The following UBP1 variants were observed in gnomAD, a reference collection of about 807,000 sequenced individuals.
UBP1 encodes upstream-binding protein 1.
A neutral mutation model predicts 76.1 loss-of-function variants in UBP1; 22 were observed. The ratio of observed to expected loss-of-function variants is 0.29; its 90% CI spans 0.21 to 0.41. UBP1 has a LOEUF of 0.41. Among genes scored for constraint, UBP1 ranks in the 10% least tolerant of loss-of-function variants. The probability of loss-of-function intolerance (pLI) is 1.00; values close to 1 mark genes in which losing one functional copy is unlikely to be tolerated. For missense variants in UBP1, 436 were observed against 668.1 expected (o/e 0.65, Z 3.83); for synonymous variants, 224 against 237.1 (o/e 0.94, Z 0.51).
rs2043678983 is a variant in UBP1 at position 33,389,642 on chromosome 3, CA to C, written c.*688del. The C allele has an allele frequency of 1.3e-5, 2 of 152,226 alleles. No homozygotes were observed. The allele number at this position is 152,226 out of a possible 1,614,324, so 9.4% of individuals were successfully genotyped here. A position where few individuals can be genotyped will look rare whatever the true frequency, so the allele number is the denominator to read the frequency against. The stretch of plus-strand genomic sequence containing the variant: ...TTTTTCAATAAATCTGTGACAAAGC[CA>C]AAACACAAAAGTCTTTGTACCTATT... On this transcript the variant is annotated 3_prime_UTR_variant, in exon 16 of 16. Transcript: ENST00000283629.
intron 1 of UBP1, among the ~76,000 whole-genome samples, chr3:33,429,349 CTTTA>C (rs1156507953): frequency 1.3e-5 from 2 of 151,434 alleles, no homozygotes; most frequent in Non-Finnish European, 2.9e-5. Context: ...TAGGGTGTTT[CTTTA>C]TTTTTTTTTT....
intron 3 of UBP1, among the ~76,000 whole-genome samples, chr3:33,414,908 C>T (rs75438331): frequency 0.022 from 3,394 of 152,250 alleles, 60 homozygotes; most frequent in Non-Finnish European, 0.037. Flanking sequence ...AGTGTTATGT[C>T]AGCAAAACAT....
intron 14 of UBP1, 65 bp downstream of exon 14, chr3:33,393,247 T>C: frequency 6.8e-7 from 1 of 1,475,282 alleles, no homozygotes; most frequent in Non-Finnish European, 9.1e-7. Flanking sequence ...TTTTCTACAG[T>C]TCTACAATTA....
At chr3:33,436,901 T>C (rs2045212968) in intron 1 of UBP1, among the ~76,000 whole-genome samples, 1 of 152,134 alleles carries the variant, frequency 6.6e-6, no homozygotes, top group South Asian at 2.1e-4. Flanking sequence ...ATTTACAGTA[T>C]AAGAAAAGGA....
At chr3:33,410,297 T>C (rs989992236) in intron 5 of UBP1, among the ~76,000 whole-genome samples, 1 of 152,230 alleles carries the variant, frequency 6.6e-6, no homozygotes, top group Non-Finnish European at 1.5e-5. Flanking sequence ...TTCTGACTGC[T>C]GCACATCCCC....
At position 33,409,669 on chromosome 3, in the gene UBP1, T is replaced by C. The variant is rs1341630621; in HGVS notation, c.556-68A>G. ...CTGGTTATTTTTCTATTTTGTTCCC[T>C]CTTGAGTGACCTGACACCACTATAA... On this transcript the variant is annotated intron_variant, in intron 5 of 15. Transcript: ENST00000283629. 6.3e-6 allele frequency: 10 copies of C among 1,595,032 alleles called. No homozygotes were observed. In the Admixed American group the frequency reaches 1.2e-4, roughly 19 times the overall value.
intron 1 of UBP1, among the ~76,000 whole-genome samples, chr3:33,438,829 G>A (rs1477491272): frequency 1.3e-5 from 2 of 152,086 alleles, no homozygotes; most frequent in Non-Finnish European, 2.9e-5. Context: ...AATGCTACTG[G>A]GAAACTGTAG....
chr3:33,399,338 TA>T (rs1228749587), intron 11 of UBP1, among the ~76,000 whole-genome samples: 5 of 152,236 alleles, frequency 3.3e-5, no homozygotes, highest in Non-Finnish European at 7.3e-5. Flanking sequence ...CCTATAGCAC[TA>T]CCTGGAGAAG....
chr3:33,428,837 C>T (rs2045065094), intron 1 of UBP1, among the ~76,000 whole-genome samples: 1 of 150,336 alleles, frequency 6.7e-6, no homozygotes, highest in Non-Finnish European at 1.5e-5. Context: ...CCCTACGCAA[C>T]CTGCTCTTCA....
chr3:33,428,327 C>G (rs1212864847), intron 1 of UBP1, among the ~76,000 whole-genome samples: 1 of 151,072 alleles, frequency 6.6e-6, no homozygotes, highest in Non-Finnish European at 1.5e-5. Context: ...AGAAAGAAAA[C>G]AAGAATGAGA....
At chr3:33,426,643 C>T (rs185588288) in intron 1 of UBP1, among the ~76,000 whole-genome samples, 28 of 152,278 alleles carry the variant, frequency 1.8e-4, no homozygotes, top group Admixed American at 1.1e-3. Flanking sequence ...TCTATCTCTA[C>T]GGATTTGCTA....
At chr3:33,400,940 GT>G in intron 10 of UBP1, 21 bp downstream of exon 10, 1 of 1,591,678 alleles carries the variant, frequency 6.3e-7, no homozygotes. Flanking sequence ...GCATCAGATA[GT>G]TTTAGGAGAA....
At chr3:33,409,708 T>A in intron 5 of UBP1, 107 bp from the exon 6 acceptor site, 2 of 1,400,724 alleles carry the variant, frequency 1.4e-6, no homozygotes, top group Non-Finnish European at 2.0e-6. Context: ...CAAGATCCTT[T>A]AAAATAAACT....
upstream of UBP1, chr3:33,440,575 T>G (rs1431012049): frequency 6.6e-6 from 1 of 152,596 alleles, no homozygotes; most frequent in South Asian, 2.1e-4. Context: ...GTGGCCTCGC[T>G]GCGTCCCCGC....
At chr3:33,431,126 TAGC>T (rs2045105317) in intron 1 of UBP1, among the ~76,000 whole-genome samples, 1 of 152,134 alleles carries the variant, frequency 6.6e-6, no homozygotes, top group South Asian at 2.1e-4. Context: ...TCAGGTTTAA[TAGC>T]AGCTCAGACA....
chr3:33,429,283 A>G (rs2045073583), intron 1 of UBP1, among the ~76,000 whole-genome samples: 1 of 152,198 alleles, frequency 6.6e-6, no homozygotes, highest in South Asian at 2.1e-4. Context: ...TTGTAATCCC[A>G]TAAATGGAAA....
chr3:33,435,285 CAG>C (rs1231791750), intron 1 of UBP1, among the ~76,000 whole-genome samples: 3 of 152,136 alleles, frequency 2.0e-5, no homozygotes, highest in East Asian at 3.9e-4. Flanking sequence ...GGAAAAAAAA[CAG>C]AAATTACTGC....
At position 33,412,712 on chromosome 3, in the gene UBP1, C is replaced by T. The variant is rs1187520969; in HGVS notation, c.448+10G>A. Reference sequence around the variant, plus strand: ...CCTCATCTCCATGGTCTTTTGATCACTGCCTGTACCTAAATCAAGAAGTCT... The same window carrying T: ...CCTCATCTCCATGGTCTTTTGATCATTGCCTGTACCTAAATCAAGAAGTCT... On this transcript the variant is annotated intron_variant, in intron 4 of 15. Coordinates refer to ENST00000283629, the MANE Select transcript of UBP1 (RefSeq NM_014517.5). 3.2e-6 allele frequency: 5 copies of T among 1,570,242 alleles called. No individual in the cohort carries two copies. Among genetic ancestry groups the T allele is most frequent in the South Asian group, 2.2e-5 (2 of 90,248 alleles).
intron 8 of UBP1, 38 bp downstream of exon 8, chr3:33,408,652 T>C: frequency 2.6e-6 from 4 of 1,567,984 alleles, no homozygotes; most frequent in Non-Finnish European, 3.5e-6. Flanking sequence ...CTGCACAAGG[T>C]TTCTTGCACA....
Sources: allele counts gnomAD v4.1 joint callset (sites outside exome capture counted in the v4.1 genomes callset), GRCh38; gene constraint gnomAD v4.1.1; transcripts MANE v1.5; gene names NCBI Gene and HGNC (gene_info 2026-07-23, HGNC 2026-07-21).